Variants in NPSR1 observed in about 807,000 individuals in gnomAD.
The protein encoded by NPSR1 is neuropeptide S receptor 1, also known as neuropeptide S receptor.
In NPSR1, 48 loss-of-function variants were observed where a neutral mutation model predicts 46.9. The ratio of observed to expected loss-of-function variants is 1.02; its 90% CI spans 0.81 to 1.30. NPSR1 has a LOEUF of 1.30. Ranked by LOEUF, NPSR1 falls within the 50% of genes most tolerant of loss-of-function variation. NPSR1 has a pLI of 0.00. For missense variants in NPSR1, 450 were observed against 449.5 expected (o/e 1.00, Z -0.01); for synonymous variants, 176 against 168.1 (o/e 1.05, Z -0.36).
chr7:34,826,721 A>T (rs1789863585), intron 4 of NPSR1, among the ~76,000 whole-genome samples: 1 of 152,188 alleles, frequency 6.6e-6, no homozygotes, highest in Admixed American at 6.5e-5. Flanking sequence ...TTTAAAGAAA[A>T]GATGAGGCTG....
chr7:34,792,811 G>T (rs1170750426), intron 3 of NPSR1, among the ~76,000 whole-genome samples: 1 of 145,466 alleles, frequency 6.9e-6, no homozygotes, highest in African/African-American at 2.5e-5. Context: ...TTGAACCCGG[G>T]GTGTCAAGGC....
intron 8 of NPSR1, among the ~76,000 whole-genome samples, chr7:34,870,369 G>C (rs1791422506): frequency 6.6e-6 from 1 of 151,656 alleles, no homozygotes; most frequent in African/African-American, 2.4e-5. Flanking sequence ...TTTGGAGCCA[G>C]GAAAAAATAT....
At chr7:34,777,570 G>A (rs1248742072) in intron 2 of NPSR1, among the ~76,000 whole-genome samples, 1 of 151,568 alleles carries the variant, frequency 6.6e-6, no homozygotes, top group Admixed American at 6.6e-5. Flanking sequence ...CTGATTTTTG[G>A]TGCTTACAAA....
chr7:34,715,471 TA>T (rs1450281209), intron 2 of NPSR1, among the ~76,000 whole-genome samples: 1 of 152,234 alleles, frequency 6.6e-6, no homozygotes, highest in African/African-American at 2.4e-5. Flanking sequence ...GGCCTTATCT[TA>T]AACTTGTGGC....
chr7:34,827,499 G>C lies in NPSR1; in HGVS notation c.577G>C (p.Gly193Arg). The C allele has an allele frequency of 6.2e-7, 1 of 1,613,980 alleles. No homozygotes were observed. Among genetic ancestry groups the C allele is most frequent in the Non-Finnish European group, 8.5e-7 (1 of 1,179,912 alleles). The change falls in exon 5 of 9, where the codon GGT becomes CGT. Residue 193 changes from glycine (G) to arginine (R), a missense_variant. Gly to Arg is a moderately radical substitution (Grantham distance 125). Transcript: ENST00000360581. Reference sequence around the variant, plus strand: ...ATTTGGGAAGAGGACACTGTCCAACGGTGAAGTGCAGTGCTGGGCCCTGTG... The same window carrying C: ...ATTTGGGAAGAGGACACTGTCCAACCGTGAAGTGCAGTGCTGGGCCCTGTG... Reference protein sequence around the residue: ...IIFGKRTLSNGEVQCWALWPD... With the variant: ...IIFGKRTLSNREVQCWALWPD...
chr7:34,770,348 A>G (rs1472112669), intron 2 of NPSR1, among the ~76,000 whole-genome samples: 1 of 152,196 alleles, frequency 6.6e-6, no homozygotes, highest in Non-Finnish European at 1.5e-5. Context: ...CTCAGTAAGG[A>G]CTTTTCTTAT....
intron 2 of NPSR1, among the ~76,000 whole-genome samples, chr7:34,699,195 A>G (rs1356027940): frequency 6.6e-6 from 1 of 152,144 alleles, no homozygotes; most frequent in African/African-American, 2.4e-5. Context: ...AGATGCTGTT[A>G]TTGACCAGGT....
chr7:34,737,481 C>T (rs1254215096), intron 2 of NPSR1, among the ~76,000 whole-genome samples: 3 of 152,228 alleles, frequency 2.0e-5, no homozygotes, highest in African/African-American at 7.2e-5. Context: ...AATTCCTCTT[C>T]TCCCATTCCC....
intron 2 of NPSR1, among the ~76,000 whole-genome samples, chr7:34,701,609 C>A (rs1793834853): frequency 6.6e-6 from 1 of 152,194 alleles, no homozygotes; most frequent in South Asian, 2.1e-4. Context: ...ATTTCATAGA[C>A]ACAGCTATCG....
At chr7:34,697,693 C>T (rs1271041201) in intron 2 of NPSR1, among the ~76,000 whole-genome samples, 1 of 151,642 alleles carries the variant, frequency 6.6e-6, no homozygotes, top group Non-Finnish European at 1.5e-5. Flanking sequence ...TTTATACTTT[C>T]TTAATATTTT....
At chr7:34,706,610 C>T (rs190416573) in intron 2 of NPSR1, among the ~76,000 whole-genome samples, 1 of 152,206 alleles carries the variant, frequency 6.6e-6, no homozygotes, top group African/African-American at 2.4e-5. Flanking sequence ...CTGTCAGCTT[C>T]TTGGTGTTTC....
chr7:34,826,887 C>CAAAAAA (rs58951477), intron 4 of NPSR1, among the ~76,000 whole-genome samples: 2 of 140,814 alleles, frequency 1.4e-5, no homozygotes, highest in Non-Finnish European at 1.6e-5. Flanking sequence ...ATGTTCCTAC[C>CAAAAAA]AAAAAAAAAA....
intron 2 of NPSR1, among the ~76,000 whole-genome samples, chr7:34,767,238 G>C (rs963473608): frequency 6.6e-6 from 1 of 152,178 alleles, no homozygotes; most frequent in Non-Finnish European, 1.5e-5. Flanking sequence ...TGACCAGGTA[G>C]AGCGTACATG....
At chr7:34,686,717 C>T (rs775460315) in intron 2 of NPSR1, among the ~76,000 whole-genome samples, 6 of 151,996 alleles carry the variant, frequency 3.9e-5, no homozygotes, top group Admixed American at 1.3e-4. Flanking sequence ...CTGTCCCTAA[C>T]GAGGCACTCA....
intron 3 of NPSR1, among the ~76,000 whole-genome samples, chr7:34,779,114 G>T (rs569609322): frequency 6.6e-6 from 1 of 151,844 alleles, no homozygotes; most frequent in South Asian, 2.1e-4. Context: ...TCTATTTTTA[G>T]ATTAAAGATA....
chr7:34,758,772 A>C (rs997338704), intron 2 of NPSR1, among the ~76,000 whole-genome samples: 2 of 152,238 alleles, frequency 1.3e-5, no homozygotes, highest in African/African-American at 4.8e-5. Flanking sequence ...AAAATGTCCC[A>C]GGTAATCAGC....
rs185106992 is a variant in NPSR1 at position 34,742,945 on chromosome 7, T to C, written c.281-35517T>C. Among the ~76,000 whole-genome samples, 776 of 152,350 alleles carry C rather than the reference T, an allele frequency of 5.1e-3. 6 individuals carry two copies. The highest frequency in any genetic ancestry group is 8.1e-3 in the Non-Finnish European group (549 of 68,028). The stretch of plus-strand genomic sequence containing the variant: ...TTATTTCATGTGCTTGTTGGCTGCA[T>C]GTGTCTTCTTTTGAAAAGTGTCTGT... On this transcript the variant is annotated intron_variant, in intron 2 of 8. Coordinates refer to ENST00000360581, the MANE Select transcript of NPSR1 (RefSeq NM_207172.2).
At chr7:34,681,476 G>A (rs2128681913) in intron 1 of NPSR1, among the ~76,000 whole-genome samples, 1 of 152,242 alleles carries the variant, frequency 6.6e-6, no homozygotes, top group Middle Eastern at 3.4e-3. Context: ...AGGTATGCAG[G>A]GCCTTGTGGA....
intron 2 of NPSR1, among the ~76,000 whole-genome samples, chr7:34,746,644 GA>G (rs1169727992): frequency 2.0e-5 from 3 of 152,106 alleles, no homozygotes; most frequent in African/African-American, 7.2e-5. Flanking sequence ...TCTCTATTTG[GA>G]AAACTGTATC....
Sources: allele counts gnomAD v4.1 joint callset (sites outside exome capture counted in the v4.1 genomes callset), GRCh38; gene constraint gnomAD v4.1.1; transcripts MANE v1.5; gene names NCBI Gene and HGNC (gene_info 2026-07-23, HGNC 2026-07-21).